The following PLXDC2 variants were observed in gnomAD, a reference collection of about 807,000 sequenced individuals.
PLXDC2 encodes plexin domain-containing protein 2.
PLXDC2 carries 40 observed loss-of-function variants against 68.9 expected under a neutral mutation model. The observed-to-expected ratio is 0.58, with a 90% CI of 0.45 to 0.76. The LOEUF (loss-of-function observed/expected upper bound fraction) is 0.76. Among genes scored for constraint, PLXDC2 ranks in the 30% least tolerant of loss-of-function variants. The probability of loss-of-function intolerance (pLI) is 0.00; values close to 1 mark genes in which losing one functional copy is unlikely to be tolerated. For synonymous variants in PLXDC2, 243 were observed against 234.2 expected, an observed-to-expected ratio of 1.04 and a Z score of -0.34; for missense variants, 644 against 661.9, an observed-to-expected ratio of 0.97 and a Z score of 0.30.
chr10:20,005,817 G>C (rs767105596), intron 2 of PLXDC2, among the ~76,000 whole-genome samples: 1 of 152,164 alleles, frequency 6.6e-6, no homozygotes, highest in Non-Finnish European at 1.5e-5. Context: ...CCAACACTGG[G>C]ATTACATTTC....
chr10:20,269,110 A>AG (rs966074685), intron 13 of PLXDC2, among the ~76,000 whole-genome samples: 4 of 152,188 alleles, frequency 2.6e-5, no homozygotes, highest in Non-Finnish European at 4.4e-5. Context: ...TTACATTTAC[A>AG]GGGGGGTATA....
intron 1 of PLXDC2, among the ~76,000 whole-genome samples, chr10:19,974,902 A>T (rs371683070): frequency 6.6e-6 from 1 of 152,318 alleles, no homozygotes; most frequent in African/African-American, 2.4e-5. Flanking sequence ...TGAAGGACCC[A>T]GGAAAAGGTC....
rs529412733 is a variant in PLXDC2, at chr10:20,049,741, G to A, written c.471+2726G>A. 1.1e-3 allele frequency among the ~76,000 whole-genome samples: 174 copies of A among 152,196 alleles called. 1 individual carries two copies. Among genetic ancestry groups the A allele is most frequent in the Admixed American group, 3.0e-3 (46 of 15,252 alleles). ...AAACAAATGGAAAAAAACATCTCATGCTCATGGATAGGAAGAATCAATATC... is the reference window on the plus strand; with the variant it reads ...AAACAAATGGAAAAAAACATCTCATACTCATGGATAGGAAGAATCAATATC... On this transcript the variant is annotated intron_variant, in intron 3 of 13. Transcript: ENST00000377252.
intron 9 of PLXDC2, among the ~76,000 whole-genome samples, chr10:20,185,941 T>C (rs1834676764): frequency 6.6e-6 from 1 of 151,988 alleles, no homozygotes; most frequent in African/African-American, 2.4e-5. Context: ...ATTAAGAGTT[T>C]TACAAACTTT....
intron 1 of PLXDC2, among the ~76,000 whole-genome samples, chr10:19,938,043 C>T (rs915850665): frequency 6.6e-6 from 1 of 152,154 alleles, no homozygotes; most frequent in Non-Finnish European, 1.5e-5. Flanking sequence ...AAACTCATAA[C>T]CTCTATTTGC....
chr10:19,966,113 ATATT>A (rs1834243933), intron 1 of PLXDC2, among the ~76,000 whole-genome samples: 1 of 151,094 alleles, frequency 6.6e-6, no homozygotes, highest in African/African-American at 2.4e-5. Flanking sequence ...CAGTAAAGTC[ATATT>A]TCTTTCTTTC....
intron 9 of PLXDC2, among the ~76,000 whole-genome samples, chr10:20,188,367 T>G (rs538629869): frequency 1.3e-5 from 2 of 151,886 alleles, no homozygotes; most frequent in East Asian, 3.9e-4. Flanking sequence ...CTCATCTTTC[T>G]GTGTCTGGCT....
At chr10:20,245,093 A>G (rs1047574295) in intron 12 of PLXDC2, among the ~76,000 whole-genome samples, 3 of 152,202 alleles carry the variant, frequency 2.0e-5, no homozygotes, top group African/African-American at 7.2e-5. Context: ...TAGCCTGGGC[A>G]ACAAGAGCAA....
chr10:20,046,879 A>G lies in PLXDC2; in HGVS notation c.335A>G (p.Asp112Gly). Residue 112 changes from aspartate (D) to glycine (G), a missense_variant, in exon 3 of 14, where the codon GAC becomes GGC. Asp to Gly is a moderately conservative substitution (Grantham distance 94). Coordinates refer to ENST00000377252, the MANE Select transcript of PLXDC2 (RefSeq NM_032812.9). Reference protein sequence around the residue: ...DNNTQIEEDTDHNYYISRIYG... With the variant: ...DNNTQIEEDTGHNYYISRIYG... Reference sequence around the variant, plus strand: ...TATCTATTATTGCAGGAGGATACAGACCACAATTACTATATATCTCGAATA... The same window carrying G: ...TATCTATTATTGCAGGAGGATACAGGCCACAATTACTATATATCTCGAATA... 1 of 1,610,492 alleles carries G rather than the reference A, an allele frequency of 6.2e-7. No individual in the cohort carries two copies. The highest frequency in any genetic ancestry group is 8.5e-7 in the Non-Finnish European group (1 of 1,178,434).
chr10:20,068,242 A>G lies in PLXDC2; in HGVS notation c.541+3A>G. 6.2e-7 allele frequency: 1 copy of G among 1,609,510 alleles called. No homozygotes were observed. The highest frequency in any genetic ancestry group is 8.5e-7 in the Non-Finnish European group (1 of 1,176,286). On this transcript the variant is annotated splice_donor_region_variant and intron_variant, in intron 4 of 13. Coordinates refer to ENST00000377252, the MANE Select transcript of PLXDC2 (RefSeq NM_032812.9). ...TGAAATCACTGTGGCAACCGGGGGT[A>G]AGTGGTTTTCTACCCATTCACCTTA...
chr10:20,150,046 C>T (rs2131800255), intron 6 of PLXDC2, among the ~76,000 whole-genome samples: 1 of 152,228 alleles, frequency 6.6e-6, no homozygotes, highest in Admixed American at 6.5e-5. Flanking sequence ...CATCGACATA[C>T]CCCACCAGAA....
At position 19,818,731 on chromosome 10, in the gene PLXDC2, G is replaced by A. The variant is rs185428899; in HGVS notation, c.112+1540G>A. 1.1e-3 allele frequency among the ~76,000 whole-genome samples: 168 copies of A among 152,004 alleles called. 2 individuals are homozygous for A. The Middle Eastern group carries it at 0.017, about 15-fold the overall frequency. Reference sequence around the variant, plus strand: ...TTTCTCTGATACGTTTCATTGGTCCGAAAAAATAACACTTTTAGCCTTCCA... The same window carrying A: ...TTTCTCTGATACGTTTCATTGGTCCAAAAAAATAACACTTTTAGCCTTCCA... On this transcript the variant is annotated intron_variant, in intron 1 of 13. Transcript: ENST00000377252.
At chr10:20,219,734 A>G (rs774425369) in intron 12 of PLXDC2, among the ~76,000 whole-genome samples, 2 of 152,184 alleles carry the variant, frequency 1.3e-5, no homozygotes, top group Non-Finnish European at 2.9e-5. Flanking sequence ...ATGTTGGCTC[A>G]TGTATGCTGG....
At chr10:19,881,380 T>G in intron 1 of PLXDC2, among the ~76,000 whole-genome samples, 1 of 152,332 alleles carries the variant, frequency 6.6e-6, no homozygotes, top group East Asian at 1.9e-4. Flanking sequence ...CTTCCCAAAG[T>G]GCTGAGATTA....
chr10:19,894,159 C>T (rs2131362310), intron 1 of PLXDC2, among the ~76,000 whole-genome samples: 1 of 152,250 alleles, frequency 6.6e-6, no homozygotes, highest in Admixed American at 6.5e-5. Context: ...GAAAGGTACA[C>T]CTTAATGAGA....
intron 1 of PLXDC2, among the ~76,000 whole-genome samples, chr10:19,993,962 C>T (rs1179115718): frequency 1.3e-5 from 2 of 152,128 alleles, no homozygotes; most frequent in Non-Finnish European, 2.9e-5. Flanking sequence ...AGAGATTGAA[C>T]CCTTATGCCT....
At chr10:20,119,389 T>A (rs1589637972) in intron 4 of PLXDC2, among the ~76,000 whole-genome samples, 1 of 140,388 alleles carries the variant, frequency 7.1e-6, no homozygotes, top group Admixed American at 7.4e-5. Flanking sequence ...CGGGCAGGAG[T>A]GGGGGTCACA....
intron 6 of PLXDC2, among the ~76,000 whole-genome samples, chr10:20,162,350 C>T (rs1834311375): frequency 6.6e-6 from 1 of 152,078 alleles, no homozygotes; most frequent in East Asian, 1.9e-4. Flanking sequence ...AGCTCAAGTA[C>T]TGCTGTGGGT....
chr10:19,883,830 A>G (rs1837784904), intron 1 of PLXDC2, among the ~76,000 whole-genome samples: 2 of 143,732 alleles, frequency 1.4e-5, no homozygotes, highest in South Asian at 2.2e-4. Context: ...ACGGAAGGGC[A>G]TCTCTGTTTA....
Sources: allele counts gnomAD v4.1 joint callset (sites outside exome capture counted in the v4.1 genomes callset), GRCh38; gene constraint gnomAD v4.1.1; transcripts MANE v1.5; gene names NCBI Gene and HGNC (gene_info 2026-07-23, HGNC 2026-07-21).